MCC: variants seen among roughly 807,000 people sequenced by gnomAD.
The protein encoded by MCC is MCC regulator of Wnt signaling pathway.
In MCC, 90 loss-of-function variants were observed where a neutral mutation model predicts 116.2. That is an observed-to-expected ratio of 0.77 (90% CI 0.65 to 0.92). MCC has a LOEUF of 0.92. MCC is among the 40% of genes least tolerant of loss of function. The pLI is 0.00. For synonymous variants in MCC, 578 were observed against 510.5 expected (o/e 1.13, Z -1.78); for missense variants, 1,516 against 1,312.2 (o/e 1.16, Z -2.40).
intron 13 of MCC, among the ~76,000 whole-genome samples, chr5:113,064,699 T>C (rs1392100640): frequency 1.3e-5 from 2 of 152,206 alleles, no homozygotes; most frequent in Admixed American, 6.5e-5. Context: ...TAGGTACCGA[T>C]GCCACCCCTG....
intron 1 of MCC, among the ~76,000 whole-genome samples, chr5:113,412,682 G>T (rs1170174521): frequency 6.6e-6 from 1 of 152,180 alleles, no homozygotes; most frequent in Non-Finnish European, 1.5e-5. Flanking sequence ...CTGAGATGAT[G>T]GGGTTTTCTA....
intron 3 of MCC, among the ~76,000 whole-genome samples, chr5:113,253,621 C>T (rs775709160): frequency 1.8e-4 from 27 of 152,092 alleles, no homozygotes; most frequent in Non-Finnish European, 5.9e-5. Flanking sequence ...TGCTACACAT[C>T]CTTCAGGCAT....
At chr5:113,186,883 G>A (rs963488204) in intron 3 of MCC, among the ~76,000 whole-genome samples, 5 of 152,088 alleles carry the variant, frequency 3.3e-5, no homozygotes, top group East Asian at 3.9e-4. Flanking sequence ...TTTCACAACC[G>A]GGGGAGGATA....
Position 113,122,752 on chromosome 5 carries a change from C to A in MCC, c.959G>T (p.Ser320Ile). Reference protein sequence around the residue: ...SQHEVNEDSRSMDQDQTSVSI... With the variant: ...SQHEVNEDSRIMDQDQTSVSI... ...GACAGAGGTCTGGTCTTGGTCCATGCTTCGAGAGTCCTCGTTGACCTCGTG... is the reference window on the plus strand; with the variant it reads ...GACAGAGGTCTGGTCTTGGTCCATGATTCGAGAGTCCTCGTTGACCTCGTG... The change falls in exon 6 of 19, where the codon AGC becomes ATC. Residue 320 changes from serine to isoleucine, a missense_variant. Physicochemically the swap from Ser to Ile is moderately radical, Grantham distance 142 (BLOSUM62 -2). Transcript: ENST00000408903. 3 of 1,614,198 alleles carry A rather than the reference C, an allele frequency of 1.9e-6. No individual in the cohort carries two copies. Among genetic ancestry groups the A allele is most frequent in the Non-Finnish European group, 2.5e-6 (3 of 1,180,026 alleles).
chr5:113,132,439 TATATAC>T (rs1758508533), intron 5 of MCC, among the ~76,000 whole-genome samples: 1 of 63,976 alleles, frequency 1.6e-5, no homozygotes, highest in African/African-American at 6.0e-5. Flanking sequence ...TATATATATA[TATATAC>T]ACACACACAC....
chr5:113,260,079 C>T (rs1279588333), intron 3 of MCC, among the ~76,000 whole-genome samples: 1 of 151,714 alleles, frequency 6.6e-6, no homozygotes, highest in African/African-American at 2.4e-5. Flanking sequence ...ACATTCAACT[C>T]TGGAAAAAAA....
intron 16 of MCC, among the ~76,000 whole-genome samples, chr5:113,045,984 C>T (rs949573425): frequency 6.6e-6 from 1 of 152,020 alleles, no homozygotes; most frequent in Non-Finnish European, 1.5e-5. Context: ...AGTGCTGACC[C>T]CTTCTCTAGA....
intron 14 of MCC, among the ~76,000 whole-genome samples, chr5:113,063,492 TGAGAG>T (rs1399100517): frequency 6.6e-6 from 1 of 151,900 alleles, no homozygotes; most frequent in Non-Finnish European, 1.5e-5. Context: ...GCAAAAGAGA[TGAGAG>T]GAGAGGCTCT....
rs139487940 is a variant in MCC, at chr5:113,393,949, A to G, written c.171-8737T>C. On this transcript the variant is annotated intron_variant, in intron 1 of 18. Transcript: ENST00000408903. The stretch of plus-strand genomic sequence containing the variant: ...GTTTTTTCACTCTAAAACTCTCTAC[A>G]GATAATCTAATCTAAATCTGTGGCT... 4.9e-3 allele frequency among the ~76,000 whole-genome samples: 742 copies of G among 152,292 alleles called. 7 individuals are homozygous for G. The highest frequency in any genetic ancestry group is 0.017 in the African/African-American group (717 of 41,562).
intron 17 of MCC, 114 bp downstream of exon 17, chr5:113,043,416 T>C (rs1751857976): frequency 1.0e-6 from 1 of 952,972 alleles, no homozygotes; most frequent in African/African-American, 1.7e-5. Context: ...TTCCAAGACA[T>C]GGGTAAAGTG....
At chr5:113,339,692 GT>G (rs1484488620) in intron 3 of MCC, among the ~76,000 whole-genome samples, 5 of 152,202 alleles carry the variant, frequency 3.3e-5, no homozygotes, top group Non-Finnish European at 5.9e-5. Flanking sequence ...ACAATTGCTA[GT>G]TCCTTCAAAC....
rs139057332 is a variant in MCC, at chr5:113,183,811, G to T, written c.628-32389C>A. ...CAGAATTCTCTAGGTTCTGTCTGAA[G>T]CAAGACTTGTGGGGAGAAAGGGGGC... On this transcript the variant is annotated intron_variant, in intron 3 of 18. Transcript: ENST00000408903. 3.8e-3 allele frequency among the ~76,000 whole-genome samples: 582 copies of T among 152,256 alleles called. 4 individuals carry two copies. Among genetic ancestry groups the T allele is most frequent in the African/African-American group, 0.012 (505 of 41,540 alleles).
At chr5:113,186,994 C>T (rs1761927096) in intron 3 of MCC, among the ~76,000 whole-genome samples, 1 of 152,130 alleles carries the variant, frequency 6.6e-6, no homozygotes, top group African/African-American at 2.4e-5. Flanking sequence ...TGGCAGAAAT[C>T]CTACTTTAGC....
chr5:113,104,546 G>C (rs369859981), intron 6 of MCC, 191 bp from the exon 7 acceptor site: 28 of 445,214 alleles, frequency 6.3e-5, no homozygotes, highest in African/African-American at 5.2e-4. Flanking sequence ...TTTTATTAAA[G>C]AGTTTCAGAT....
At position 113,315,861 on chromosome 5, in the gene MCC, G is replaced by C. The variant is rs188277574; in HGVS notation, c.627+24658C>G. The stretch of plus-strand genomic sequence containing the variant: ...CCACTGCGCTCCAGCCCGGGTGACA[G>C]AGTGAGACCCTGTCTCAAAAAAAAG... On this transcript the variant is annotated intron_variant, in intron 3 of 18. Coordinates refer to ENST00000408903, the MANE Select transcript of MCC (RefSeq NM_001085377.2). 6.0e-3 allele frequency among the ~76,000 whole-genome samples: 916 copies of C among 152,210 alleles called. 6 individuals are homozygous for C. The highest frequency in any genetic ancestry group is 0.01 in the Middle Eastern group (3 of 294).
chr5:113,230,858 T>C (rs1384075767), intron 3 of MCC, among the ~76,000 whole-genome samples: 1 of 152,170 alleles, frequency 6.6e-6, no homozygotes, highest in African/African-American at 2.4e-5. Context: ...AGTTGAGCTG[T>C]ATTACTACAG....
chr5:113,398,071 A>T (rs1313088981), intron 1 of MCC, among the ~76,000 whole-genome samples: 1 of 152,260 alleles, frequency 6.6e-6, no homozygotes, highest in Non-Finnish European at 1.5e-5. Context: ...AGTGGCCAAC[A>T]AACATGAAAA....
At chr5:113,373,128 G>A (rs1432805923) in intron 2 of MCC, among the ~76,000 whole-genome samples, 3 of 151,578 alleles carry the variant, frequency 2.0e-5, no homozygotes, top group Admixed American at 6.6e-5. Context: ...GCAGTGAGCC[G>A]AGATCGCGCC....
intron 5 of MCC, among the ~76,000 whole-genome samples, chr5:113,130,855 A>T (rs1015492146): frequency 2.6e-5 from 4 of 151,922 alleles, no homozygotes; most frequent in South Asian, 2.1e-4. Flanking sequence ...AGCCAAATAA[A>T]CCTCTTCTAT....
Sources: gnomAD v4.1 joint callset for allele counts (sites outside exome capture counted in the v4.1 genomes callset) on GRCh38, gnomAD v4.1.1 for gene constraint, MANE v1.5 for transcripts, NCBI Gene and HGNC (gene_info 2026-07-23, HGNC 2026-07-21) for gene names.